The following GRIN2B variants were observed in gnomAD, a reference collection of about 807,000 sequenced individuals.
GRIN2B encodes glutamate ionotropic receptor NMDA type subunit 2B, also known as glutamate receptor ionotropic, NMDA 2B.
In GRIN2B, 5 loss-of-function variants were observed where a neutral mutation model predicts 114.5. The ratio of observed to expected loss-of-function variants is 0.04; its 90% confidence interval spans 0.02 to 0.09. GRIN2B has a LOEUF of 0.09. Ranked by LOEUF, GRIN2B falls within the 10% of genes least tolerant of loss-of-function variation. GRIN2B has a pLI of 1.00. For synonymous variants in GRIN2B, 787 were observed against 745.1 expected (o/e 1.06, Z -0.92); for missense variants, 1,108 against 1,943.5 (o/e 0.57, Z 8.08).
At chr12:13,969,987 G>T (rs1009757810) in intron 2 of GRIN2B, among the ~76,000 whole-genome samples, 1 of 152,214 alleles carries the variant, frequency 6.6e-6, no homozygotes, top group Admixed American at 6.5e-5. Context: ...TGAGTAGCTG[G>T]GATTATAGGC....
At chr12:13,814,602 A>AT (rs1864785254) in intron 3 of GRIN2B, among the ~76,000 whole-genome samples, 1 of 152,076 alleles carries the variant, frequency 6.6e-6, no homozygotes, top group South Asian at 2.1e-4. Context: ...CCCTTAACCT[A>AT]TTTTTTCCTC....
chr12:13,945,415 T>A (rs1002375789), intron 2 of GRIN2B, among the ~76,000 whole-genome samples: 1 of 152,222 alleles, frequency 6.6e-6, no homozygotes, highest in African/African-American at 2.4e-5. Flanking sequence ...AGGGTGTTAC[T>A]GCTTGAGTCT....
At chr12:13,779,002 C>G (rs1330036173) in intron 3 of GRIN2B, among the ~76,000 whole-genome samples, 1 of 152,164 alleles carries the variant, frequency 6.6e-6, no homozygotes, top group Non-Finnish European at 1.5e-5. Flanking sequence ...GCTTCCTTTC[C>G]TTAACGCGAC....
Position 13,976,952 on chromosome 12 carries a change from T to A in GRIN2B, c.-19+2976A>T, listed in dbSNP as rs1429826489. Among the ~76,000 whole-genome samples the A allele has an allele frequency of 3.3e-5, 5 of 152,102 alleles. No homozygotes were observed. The East Asian group carries it at 9.7e-4, about 29-fold the overall frequency. On this transcript the variant is annotated intron_variant, in intron 2 of 13. Transcript: ENST00000609686. ...GCCCACCTCCCAGGTGCCCCCTGCC[T>A]CTCCCCACACAAGACTGGGTGAATG...
intron 5 of GRIN2B, among the ~76,000 whole-genome samples, chr12:13,636,498 C>A (rs1312141369): frequency 1.3e-5 from 2 of 152,134 alleles, no homozygotes; most frequent in African/African-American, 4.8e-5. Flanking sequence ...GACAAGGGAA[C>A]AGGTGATGGG....
At chr12:13,832,255 A>G (rs10492138) in intron 3 of GRIN2B, among the ~76,000 whole-genome samples, 24,500 of 152,240 alleles carry the variant, frequency 0.16, 2,548 homozygotes, top group Non-Finnish European at 0.23. Flanking sequence ...CATTTACATC[A>G]TCTGTGCTAC....
chr12:13,660,253 G>C (rs1261768493), intron 5 of GRIN2B, among the ~76,000 whole-genome samples: 5 of 152,220 alleles, frequency 3.3e-5, no homozygotes, highest in African/African-American at 9.6e-5. Flanking sequence ...TGAATAACAC[G>C]AAGTACAATC....
rs1293991066 is a variant in GRIN2B, at chr12:13,611,800, C to T, written c.1705G>A (p.Val569Ile). 3.1e-6 allele frequency: 5 copies of T among 1,613,258 alleles called. No individual in the cohort carries two copies. Among genetic ancestry groups the T allele is most frequent in the African/African-American group, 1.3e-5 (1 of 75,030 alleles). The change falls in exon 9 of 14, where the codon GTC (valine) becomes ATC (isoleucine). Residue 569 changes from valine (V) to isoleucine (I), a missense_variant. Val to Ile is a conservative substitution (Grantham distance 29, BLOSUM62 3). Transcript: ENST00000609686. ...AAGACAAAGACAGCCACGGCTGAGACGATGAGCAGCATCACAAACATCATC... is the reference window on the plus strand; with the variant it reads ...AAGACAAAGACAGCCACGGCTGAGATGATGAGCAGCATCACAAACATCATC... ...WVMMFVMLLI[V>I]SAVAVFVFEY... is the part of the protein sequence containing the mutation.
At chr12:13,740,720 G>C (rs1351908252) in intron 4 of GRIN2B, among the ~76,000 whole-genome samples, 1 of 152,132 alleles carries the variant, frequency 6.6e-6, no homozygotes, top group East Asian at 1.9e-4. Context: ...GTCTCCACCC[G>C]CTTCAGTTCC....
intron 3 of GRIN2B, among the ~76,000 whole-genome samples, chr12:13,803,638 A>T (rs1351104518): frequency 6.6e-6 from 1 of 152,216 alleles, no homozygotes; most frequent in East Asian, 1.9e-4. Context: ...AAACCAACGT[A>T]AAAACTGTAA....
intron 4 of GRIN2B, among the ~76,000 whole-genome samples, chr12:13,733,646 CTTCACTCCCCCT>C (rs1863126849): frequency 5.3e-5 from 8 of 152,114 alleles, no homozygotes. Context: ...GGCTCTTAAT[CTTCACTCCCCCT>C]CTGAGACATT....
chr12:13,756,124 C>G (rs1325712644), intron 3 of GRIN2B, among the ~76,000 whole-genome samples: 1 of 152,130 alleles, frequency 6.6e-6, no homozygotes, highest in East Asian at 1.9e-4. Flanking sequence ...TTCAAGCACT[C>G]TCTGCCTCAG....
chr12:13,761,918 T>C (rs1863687000), intron 3 of GRIN2B, among the ~76,000 whole-genome samples: 1 of 152,202 alleles, frequency 6.6e-6, no homozygotes, highest in African/African-American at 2.4e-5. Flanking sequence ...TAAAATCAAG[T>C]GTGGTCAACA....
At chr12:13,812,503 C>T (rs1469242856) in intron 3 of GRIN2B, among the ~76,000 whole-genome samples, 1 of 151,952 alleles carries the variant, frequency 6.6e-6, no homozygotes, top group Non-Finnish European at 1.5e-5. Flanking sequence ...TTCAACTAAA[C>T]CTATTTCAAC....
chr12:13,857,831 G>A (rs1865689564), intron 3 of GRIN2B, among the ~76,000 whole-genome samples: 1 of 152,200 alleles, frequency 6.6e-6, no homozygotes, highest in Non-Finnish European at 1.5e-5. Flanking sequence ...AATCAAGGAT[G>A]TGGGGAAGAC....
Position 13,616,662 on chromosome 12 carries a change from A to G in GRIN2B, c.1126-5T>C, listed in dbSNP as rs1275452308. The G allele has an allele frequency of 6.2e-7, 1 of 1,607,500 alleles. No individual in the cohort carries two copies. Among genetic ancestry groups the G allele is most frequent in the South Asian group, 1.1e-5 (1 of 90,976 alleles). On this transcript the variant is annotated splice_polypyrimidine_tract_variant and splice_region_variant and intron_variant, in intron 5 of 13. Transcript: ENST00000609686. ...CTTGTCTTTCCACTTCCCCACCTGC[A>G]CAAGGATGAACACAAGAATCAGAAA...
At chr12:13,808,399 A>C (rs1472160942) in intron 3 of GRIN2B, among the ~76,000 whole-genome samples, 1 of 152,052 alleles carries the variant, frequency 6.6e-6, no homozygotes, top group Non-Finnish European at 1.5e-5. Flanking sequence ...CAATGGAGCA[A>C]CTCAGGGCAG....
chr12:13,543,234 C>T lies in GRIN2B; in HGVS notation c.*19549G>A, dbSNP rs961965218. The T allele has an allele frequency of 1.3e-5, 2 of 152,174 alleles. No individual in the cohort carries two copies. The highest frequency in any genetic ancestry group is 4.8e-5 in the African/African-American group (2 of 41,342). The allele number at this position is 152,174 out of a possible 1,614,324, so 9.4% of individuals were successfully genotyped here. A position where few individuals can be genotyped will look rare whatever the true frequency, so the allele number is the denominator to read the frequency against. ...CTCAGCCCACCACCCCAACAACAGA[C>T]CCCAAACCACCAATAACTGCAAGCC... is the stretch of plus-strand genomic sequence containing the variant. On this transcript the variant is annotated 3_prime_UTR_variant, in exon 14 of 14. Coordinates refer to ENST00000609686, the MANE Select transcript of GRIN2B (RefSeq NM_000834.5).
At chr12:13,942,124 ATTG>A (rs1223474658) in intron 2 of GRIN2B, among the ~76,000 whole-genome samples, 3 of 152,136 alleles carry the variant, frequency 2.0e-5, no homozygotes, top group Non-Finnish European at 4.4e-5. Flanking sequence ...TACTTTTTCC[ATTG>A]GAACCAAGGG....
Sources: gnomAD v4.1 joint callset for allele counts (sites outside exome capture counted in the v4.1 genomes callset) on GRCh38, gnomAD v4.1.1 for gene constraint, MANE v1.5 for transcripts, NCBI Gene and HGNC (gene_info 2026-07-23, HGNC 2026-07-21) for gene names.